The following TTC28 variants were observed in gnomAD, a reference collection of about 807,000 sequenced individuals.
The protein encoded by TTC28 is tetratricopeptide repeat protein 28.
Under a neutral mutation model 198.0 loss-of-function variants are expected in TTC28, and 61 were observed. The ratio of observed to expected loss-of-function variants is 0.31; its 90% CI spans 0.25 to 0.38. The LOEUF is 0.38. Ranked by LOEUF, TTC28 falls within the 10% of genes least tolerant of loss-of-function variation. The pLI is 1.00. For missense variants in TTC28, 2,678 were observed against 3,164.0 expected, an observed-to-expected ratio of 0.85 and a Z score of 3.69; for synonymous variants, 1,171 against 1,297.8, an observed-to-expected ratio of 0.90 and a Z score of 2.10.
chr22:28,675,681 G>A (rs1383264995), intron 1 of TTC28, among the ~76,000 whole-genome samples: 2 of 151,278 alleles, frequency 1.3e-5, no homozygotes, highest in South Asian at 4.2e-4. Flanking sequence ...CCAGGCTGCA[G>A]TGAGCTGTGA....
chr22:28,393,320 T>C (rs1479923205), intron 2 of TTC28, among the ~76,000 whole-genome samples: 1 of 152,122 alleles, frequency 6.6e-6, no homozygotes, highest in Non-Finnish European at 1.5e-5. Context: ...CAATAGCATA[T>C]AGATATTGTA....
chr22:28,099,033 T>C lies in TTC28; in HGVS notation c.3429A>G (p.Ala1143=). The C allele has an allele frequency of 6.4e-7, 1 of 1,552,030 alleles. No homozygotes were observed. The highest frequency in any genetic ancestry group is 8.7e-7 in the Non-Finnish European group (1 of 1,147,064). Residue 1143 remains alanine, a synonymous_variant, in exon 10 of 23, where the codon GCA becomes GCG. Transcript: ENST00000397906. The stretch of plus-strand genomic sequence containing the variant: ...GTCGGATTGTTTCAAACAAGGCTGA[T>C]GCCCTATAAAGCTGCAAGGAGGGAG... ...LEEAQHQLYR[A]SALFETIRHE...
intron 2 of TTC28, among the ~76,000 whole-genome samples, chr22:28,390,329 G>A (rs2046695070): frequency 6.6e-6 from 1 of 152,080 alleles, no homozygotes; most frequent in African/African-American, 2.4e-5. Flanking sequence ...GTTGATTTGG[G>A]GTGGAGAGTT....
intron 2 of TTC28, among the ~76,000 whole-genome samples, chr22:28,627,642 G>T (rs1192615921): frequency 6.6e-6 from 1 of 151,960 alleles, no homozygotes; most frequent in African/African-American, 2.4e-5. Context: ...ACGTTGGCCA[G>T]GCTGGTCTCA....
intron 2 of TTC28, among the ~76,000 whole-genome samples, chr22:28,547,276 A>G (rs555565728): frequency 6.6e-6 from 1 of 152,224 alleles, no homozygotes; most frequent in Admixed American, 6.5e-5. Flanking sequence ...GTAATGCTAC[A>G]ATATTCCATG....
At chr22:28,285,794 C>A (rs991646484) in intron 5 of TTC28, among the ~76,000 whole-genome samples, 8 of 152,108 alleles carry the variant, frequency 5.3e-5, no homozygotes, top group Admixed American at 5.2e-4. Context: ...AGATGCTATT[C>A]TAGTTCTAAA....
Position 28,150,671 on chromosome 22 carries a change from C to A in TTC28, c.1441+12421G>T, listed in dbSNP as rs551665264. Among the ~76,000 whole-genome samples, 4 of 152,336 alleles carry A rather than the reference C, an allele frequency of 2.6e-5. No individual in the cohort carries two copies. In the East Asian group the frequency reaches 5.8e-4, roughly 22 times the overall value. On this transcript the variant is annotated intron_variant, in intron 6 of 22. Transcript: ENST00000397906. ...AACCCAGGGTCACATCTGCACTCACCATTGCTGGCAAAGCAAAGGGCTACA... is the reference window on the plus strand; with the variant it reads ...AACCCAGGGTCACATCTGCACTCACAATTGCTGGCAAAGCAAAGGGCTACA...
At chr22:28,206,751 G>C (rs768732091) in intron 5 of TTC28, among the ~76,000 whole-genome samples, 17 of 152,072 alleles carry the variant, frequency 1.1e-4, no homozygotes, top group Non-Finnish European at 2.5e-4. Context: ...GCCAGGAAAA[G>C]AAAACATGTA....
At chr22:28,543,958 C>T (rs1159444553) in intron 2 of TTC28, among the ~76,000 whole-genome samples, 1 of 152,158 alleles carries the variant, frequency 6.6e-6, no homozygotes, top group Non-Finnish European at 1.5e-5. Flanking sequence ...TGGTGGCTCA[C>T]GCCTGTAATC....
At chr22:28,437,497 A>G (rs2047538483) in intron 2 of TTC28, among the ~76,000 whole-genome samples, 1 of 152,136 alleles carries the variant, frequency 6.6e-6, no homozygotes, top group South Asian at 2.1e-4. Context: ...TGCTTATCCA[A>G]CTTTGGAGAA....
At position 28,001,945 on chromosome 22, in the gene TTC28, T is replaced by C. The variant is rs186530143; in HGVS notation, c.4219-392A>G. 211 of 187,934 alleles carry C rather than the reference T, an allele frequency of 1.1e-3. 1 individual carries two copies. Among genetic ancestry groups the C allele is most frequent in the African/African-American group, 4.7e-3 (209 of 44,078 alleles). 11.6% of individuals were successfully genotyped at this position (187,934 alleles called of 1,614,324 possible). On this transcript the variant is annotated intron_variant, in intron 14 of 22. Transcript: ENST00000397906. ...TTTCAATGGACAAGAGGCTAGAAAA[T>C]CACAGTGAGGACGGGAGGTCTGGGG...
intron 2 of TTC28, among the ~76,000 whole-genome samples, chr22:28,462,343 T>C (rs1328275271): frequency 1.3e-5 from 2 of 152,176 alleles, no homozygotes; most frequent in Admixed American, 1.3e-4. Context: ...TTCTTTTCTC[T>C]CTGTCATGAG....
At chr22:28,172,995 T>A (rs1234019744) in intron 5 of TTC28, among the ~76,000 whole-genome samples, 1 of 152,020 alleles carries the variant, frequency 6.6e-6, no homozygotes, top group African/African-American at 2.4e-5. Context: ...AACTATAGAG[T>A]GCTCTGTGAA....
chr22:28,339,958 G>A (rs2045802162), intron 2 of TTC28, among the ~76,000 whole-genome samples: 1 of 152,162 alleles, frequency 6.6e-6, no homozygotes, highest in South Asian at 2.1e-4. Flanking sequence ...TGGAAATGCA[G>A]AAATCACCCG....
chr22:28,374,519 C>T (rs1231139766), intron 2 of TTC28, among the ~76,000 whole-genome samples: 2 of 152,096 alleles, frequency 1.3e-5, no homozygotes, highest in African/African-American at 4.8e-5. Flanking sequence ...GTAAAGAACA[C>T]TTAAACAGGA....
intron 2 of TTC28, among the ~76,000 whole-genome samples, chr22:28,529,196 G>A (rs924560131): frequency 2.0e-5 from 3 of 152,104 alleles, no homozygotes; most frequent in African/African-American, 2.4e-5. Context: ...CTGGAAAATC[G>A]GGACACTCCC....
At chr22:28,291,080 T>C (rs2044779763) in intron 5 of TTC28, among the ~76,000 whole-genome samples, 1 of 152,040 alleles carries the variant, frequency 6.6e-6, no homozygotes. Context: ...AATACATCAA[T>C]GTATTCATAA....
intron 5 of TTC28, among the ~76,000 whole-genome samples, chr22:28,272,865 GC>G (rs1932178665): frequency 6.6e-6 from 1 of 152,102 alleles, no homozygotes; most frequent in African/African-American, 2.4e-5. Flanking sequence ...AAGTGTCTGA[GC>G]CACCACTACC....
At chr22:28,104,477 A>G (rs2094152438) in intron 8 of TTC28, among the ~76,000 whole-genome samples, 1 of 152,216 alleles carries the variant, frequency 6.6e-6, no homozygotes, top group Non-Finnish European at 1.5e-5. Flanking sequence ...TTTACCAGTG[A>G]GCTATCTGCC....
Sources: allele counts gnomAD v4.1 joint callset (sites outside exome capture counted in the v4.1 genomes callset), GRCh38; gene constraint gnomAD v4.1.1; transcripts MANE v1.5; gene names NCBI Gene and HGNC (gene_info 2026-07-23, HGNC 2026-07-21).